PDE8B: variants seen among roughly 807,000 people sequenced by gnomAD.
PDE8B encodes the protein phosphodiesterase 8B.
A neutral mutation model predicts 101.3 loss-of-function variants in PDE8B; 26 were observed. The ratio of observed to expected loss-of-function variants is 0.26; its 90% CI spans 0.19 to 0.36. PDE8B has a LOEUF of 0.36. Ranked by LOEUF, PDE8B falls within the 10% of genes least tolerant of loss-of-function variation. The pLI, the probability that PDE8B is intolerant of heterozygous loss-of-function variation, is 1.00. For missense variants in PDE8B, 810 were observed against 1,163.1 expected (o/e 0.70, Z 4.42); for synonymous variants, 424 against 429.3 (o/e 0.99, Z 0.15).
At chr5:77,309,643 A>G (rs1320808942) in intron 1 of PDE8B, among the ~76,000 whole-genome samples, 1 of 151,008 alleles carries the variant, frequency 6.6e-6, no homozygotes, top group Non-Finnish European at 1.5e-5. Flanking sequence ...TTTTTTTTTC[A>G]GAGTCTCACT....
At chr5:77,250,796 C>T (rs1472263965) in intron 1 of PDE8B, among the ~76,000 whole-genome samples, 1 of 152,206 alleles carries the variant, frequency 6.6e-6, no homozygotes, top group Non-Finnish European at 1.5e-5. Flanking sequence ...GACATGTTTC[C>T]TGGGCCGCCA....
chr5:77,318,047 C>A, intron 2 of PDE8B, among the ~76,000 whole-genome samples: 1 of 110,184 alleles, frequency 9.1e-6, no homozygotes, highest in Admixed American at 1.0e-4. Flanking sequence ...CAGAGTGAGA[C>A]TCCATCTCAA....
At chr5:77,187,078 C>G in the PDE8B span, among the ~76,000 whole-genome samples, 3 of 152,172 alleles carry the variant, frequency 2.0e-5, no homozygotes, top group Non-Finnish European at 4.4e-5. Context: ...TACACAGTTT[C>G]AGCTTTTTAT....
At position 77,211,300 on chromosome 5, in the gene PDE8B, G is replaced by T. The variant is rs762898051; in HGVS notation, c.339+36G>T. 2.8e-5 allele frequency: 42 copies of T among 1,514,680 alleles called. No homozygotes were observed. The highest frequency in any genetic ancestry group is 3.3e-5 in the Non-Finnish European group (37 of 1,137,340). The allele number at this position is 1,514,680 out of a possible 1,614,324, so 93.8% of individuals were successfully genotyped here. A position where few individuals can be genotyped will look rare whatever the true frequency, so the allele number is the denominator to read the frequency against. On this transcript the variant is annotated intron_variant, in intron 1 of 21. Coordinates refer to ENST00000264917, the MANE Select transcript of PDE8B (RefSeq NM_003719.5). This position sits in a 1 kb window ranked among gnomAD's most constrained non-coding sequence, Gnocchi z 4.1. ...CGCGCTGGCACACGCCGTGGGGGCCGTCCGCCCCGTCGGCGGGGCTCGCAC... is the reference window on the plus strand; with the variant it reads ...CGCGCTGGCACACGCCGTGGGGGCCTTCCGCCCCGTCGGCGGGGCTCGCAC...
At chr5:77,101,117 G>C in the PDE8B span, among the ~76,000 whole-genome samples, 1 of 148,974 alleles carries the variant, frequency 6.7e-6, no homozygotes, top group Non-Finnish European at 1.5e-5. Context: ...CCACAGGCAC[G>C]CATCACCACG....
At position 77,271,073 on chromosome 5, in the gene PDE8B, CA is replaced by C. The variant is rs1762691181; in HGVS notation, c.340-40920del. Among the ~76,000 whole-genome samples, 3 of 152,242 alleles carry C rather than the reference CA, an allele frequency of 2.0e-5. No homozygotes were observed. The South Asian group carries it at 6.2e-4, about 31-fold the overall frequency. On this transcript the variant is annotated intron_variant, in intron 1 of 21. Coordinates refer to ENST00000264917, the MANE Select transcript of PDE8B (RefSeq NM_003719.5). The stretch of plus-strand genomic sequence containing the variant: ...AAGGGGATGTGCTATAACTGCATCG[CA>C]GTGGCTAGGCCCCACCCTTCTCATG...
At chr5:77,138,533 G>C in the PDE8B span, among the ~76,000 whole-genome samples, 1 of 152,160 alleles carries the variant, frequency 6.6e-6, no homozygotes, top group African/African-American at 2.4e-5. Flanking sequence ...ATTTTTAACA[G>C]GGTTTCCTTA....
At chr5:77,423,489 A>G (rs1797132687) in intron 20 of PDE8B, among the ~76,000 whole-genome samples, 1 of 152,162 alleles carries the variant, frequency 6.6e-6, no homozygotes, top group African/African-American at 2.4e-5. Flanking sequence ...CCAACAGTGT[A>G]TAAGCATTCT....
At chr5:77,096,205 T>A in the PDE8B span, among the ~76,000 whole-genome samples, 2 of 152,166 alleles carry the variant, frequency 1.3e-5, no homozygotes. Flanking sequence ...GGCAGGCTGG[T>A]CTTGAACTTC....
chr5:77,371,467 GT>G (rs1247802629), intron 10 of PDE8B, among the ~76,000 whole-genome samples: 7 of 152,118 alleles, frequency 4.6e-5, no homozygotes, highest in Non-Finnish European at 2.9e-5. Flanking sequence ...TGATCTATTG[GT>G]CAATCTACAT....
At chr5:77,200,597 T>C in the PDE8B span, among the ~76,000 whole-genome samples, 6 of 152,190 alleles carry the variant, frequency 3.9e-5, no homozygotes, top group Non-Finnish European at 7.4e-5. Context: ...CTGTTCTTTG[T>C]CATTGTTTTT....
In PDE8B at chr5:77,427,111, G is replaced by C. The variant is rs555087486; in HGVS notation, c.*557G>C. On this transcript the variant is annotated 3_prime_UTR_variant, in exon 22 of 22. Transcript: ENST00000264917. The stretch of plus-strand genomic sequence containing the variant: ...TACAGATAAACTAGTTAGCTTCACA[G>C]CCTCTATGGCTACATGGTTCTTCTG... 1 of 159,706 alleles carries C rather than the reference G, an allele frequency of 6.3e-6. No homozygotes were observed. Among genetic ancestry groups the C allele is most frequent in the South Asian group, 1.8e-4 (1 of 5,552 alleles). The allele number at this position is 159,706 out of a possible 1,614,324, so 9.9% of individuals were successfully genotyped here.
chr5:77,317,317 A>C (rs1773976499), intron 2 of PDE8B, among the ~76,000 whole-genome samples: 1 of 152,198 alleles, frequency 6.6e-6, no homozygotes, highest in Non-Finnish European at 1.5e-5. Flanking sequence ...TGCCAAAAAT[A>C]TTAATTAGCT....
At chr5:77,283,263 T>C (rs1039717000) in intron 1 of PDE8B, among the ~76,000 whole-genome samples, 1 of 152,146 alleles carries the variant, frequency 6.6e-6, no homozygotes, top group African/African-American at 2.4e-5. Flanking sequence ...CCTGGAGCCA[T>C]ATGCACAGCC....
At chr5:77,346,411 C>G (rs1329133576) in intron 7 of PDE8B, among the ~76,000 whole-genome samples, 1 of 152,202 alleles carries the variant, frequency 6.6e-6, no homozygotes, top group African/African-American at 2.4e-5. Flanking sequence ...CAGTGTGCAG[C>G]TGGATTTGAT....
At chr5:77,301,290 A>G (rs1340566948) in intron 1 of PDE8B, among the ~76,000 whole-genome samples, 1 of 152,262 alleles carries the variant, frequency 6.6e-6, no homozygotes, top group Non-Finnish European at 1.5e-5. Context: ...GGCAGCATGT[A>G]TAATTGAAAT....
intron 1 of PDE8B, among the ~76,000 whole-genome samples, chr5:77,264,551 C>T (rs900816840): frequency 6.6e-6 from 1 of 151,966 alleles, no homozygotes; most frequent in African/African-American, 2.4e-5. Flanking sequence ...ATATTTGATT[C>T]TTCTAGAACT....
chr5:77,105,206 T>G, the PDE8B span: 1 of 152,218 alleles, frequency 6.6e-6, no homozygotes, highest in East Asian at 1.9e-4. Flanking sequence ...TTGGATTGTT[T>G]CTAGTTTTGG....
the PDE8B span, among the ~76,000 whole-genome samples, chr5:77,116,224 A>T: frequency 0.016 from 982 of 59,644 alleles, 21 homozygotes; most frequent in African/African-American, 0.029. Flanking sequence ...ATATATATAT[A>T]TTTTTTTTTT....
Sources: gnomAD v4.1 joint callset for allele counts (sites outside exome capture counted in the v4.1 genomes callset) on GRCh38, gnomAD v4.1.1 for gene constraint, Gnocchi (gnomAD v3.1) non-coding constraint, MANE v1.5 for transcripts, NCBI Gene and HGNC (gene_info 2026-07-23, HGNC 2026-07-21) for gene names.